Variants in ZNRF1 observed in about 807,000 individuals in gnomAD.
ZNRF1 encodes zinc and ring finger 1, also known as E3 ubiquitin-protein ligase ZNRF1.
Under a neutral mutation model 18.4 loss-of-function variants are expected in ZNRF1, and 3 were observed. The observed-to-expected ratio is 0.16, with a 90% CI of 0.07 to 0.42. ZNRF1 has a LOEUF of 0.42. Ranked by LOEUF, ZNRF1 falls within the 10% of genes least tolerant of loss-of-function variation. ZNRF1 has a pLI of 0.99. For synonymous variants in ZNRF1, 157 were observed against 144.2 expected, an observed-to-expected ratio of 1.09 and a Z score of -0.64; for missense variants, 310 against 329.8, an observed-to-expected ratio of 0.94 and a Z score of 0.47.
intron 1 of ZNRF1, among the ~76,000 whole-genome samples, chr16:75,024,275 AG>A (rs2035192488): frequency 6.6e-6 from 1 of 152,220 alleles, no homozygotes. Flanking sequence ...TAGGGAATTG[AG>A]GCTCGGAGTT....
At chr16:75,081,605 T>C (rs114564446) in intron 1 of ZNRF1, among the ~76,000 whole-genome samples, 145 of 152,292 alleles carry the variant, frequency 9.5e-4, no homozygotes, top group African/African-American at 3.4e-3. Context: ...CAGTGGGTTT[T>C]GGGTCCAAGG....
At chr16:75,001,736 A>T (rs1434672499) in intron 1 of ZNRF1, among the ~76,000 whole-genome samples, 1 of 152,206 alleles carries the variant, frequency 6.6e-6, no homozygotes, top group Non-Finnish European at 1.5e-5. Flanking sequence ...ATATGTAGGG[A>T]GGAAGAAAGG....
chr16:75,016,570 C>G (rs997483853), intron 1 of ZNRF1, among the ~76,000 whole-genome samples: 2 of 151,618 alleles, frequency 1.3e-5, no homozygotes, highest in Admixed American at 6.6e-5. Flanking sequence ...GAGTCTTGCT[C>G]TGTCACCCAG....
chr16:75,028,666 A>T (rs574991483), intron 1 of ZNRF1, among the ~76,000 whole-genome samples: 2 of 152,204 alleles, frequency 1.3e-5, no homozygotes, highest in African/African-American at 4.8e-5. Context: ...TTCTTCTTCC[A>T]TCCTCCTTGA....
intron 1 of ZNRF1, among the ~76,000 whole-genome samples, chr16:75,034,352 C>T (rs72800334): frequency 0.059 from 8,956 of 152,208 alleles, 473 homozygotes; most frequent in Admixed American, 0.12. Flanking sequence ...ATGAGCTTGA[C>T]CACTCTTAAT....
At chr16:75,024,670 A>G (rs925309259) in intron 1 of ZNRF1, among the ~76,000 whole-genome samples, 1 of 152,244 alleles carries the variant, frequency 6.6e-6, no homozygotes, top group African/African-American at 2.4e-5. Flanking sequence ...AAAGAAGGAA[A>G]GCCCTGGAGC....
chr16:75,089,659 T>G (rs1462366093), intron 1 of ZNRF1, among the ~76,000 whole-genome samples: 2 of 152,168 alleles, frequency 1.3e-5, no homozygotes, highest in Admixed American at 1.3e-4. Flanking sequence ...CCTCCTCAGT[T>G]GTGTGACAGT....
intron 1 of ZNRF1, among the ~76,000 whole-genome samples, chr16:75,036,690 C>T (rs1215258725): frequency 1.3e-5 from 2 of 151,438 alleles, no homozygotes; most frequent in Admixed American, 6.6e-5. Context: ...TCTTTCTCAG[C>T]TGTTCAAACT....
intron 1 of ZNRF1, among the ~76,000 whole-genome samples, chr16:75,007,059 CT>C (rs11321828): frequency 0.61 from 84,356 of 138,744 alleles, 25,273 homozygotes; most frequent in Middle Eastern, 0.67. Context: ...CAAGTTTAAT[CT>C]TTTTTTTTTT....
rs375987390 is a variant in ZNRF1 at position 75,027,073 on chromosome 16, G to T, written c.424+26978G>T. 7.8e-4 allele frequency among the ~76,000 whole-genome samples: 119 copies of T among 152,098 alleles called. 3 individuals carry two copies. In the South Asian group the frequency reaches 0.024, roughly 31 times the overall value. ...TCACAGATAAGGAAACCAAGACCCA[G>T]CGGTTAGGGAACTCAGCCAGTGTTA... On this transcript the variant is annotated intron_variant, in intron 1 of 4. Coordinates refer to ENST00000335325, the MANE Select transcript of ZNRF1 (RefSeq NM_032268.5).
intron 1 of ZNRF1, among the ~76,000 whole-genome samples, chr16:75,025,033 G>T (rs907067723): frequency 1.3e-5 from 2 of 151,982 alleles, no homozygotes; most frequent in African/African-American, 4.8e-5. Context: ...GTTGTTCCAT[G>T]TACATGTGTG....
At chr16:75,016,867 T>G (rs572421896) in intron 1 of ZNRF1, among the ~76,000 whole-genome samples, 1 of 152,128 alleles carries the variant, frequency 6.6e-6, no homozygotes, top group Non-Finnish European at 1.5e-5. Flanking sequence ...TACTATCGTT[T>G]TGTAATAGGT....
intron 4 of ZNRF1, 106 bp downstream of exon 4, chr16:75,106,677 G>A: frequency 1.2e-6 from 1 of 825,350 alleles, no homozygotes; most frequent in Non-Finnish European, 2.0e-6. Flanking sequence ...TGAGAAGAAA[G>A]CAGGAGCAGA....
intron 1 of ZNRF1, among the ~76,000 whole-genome samples, chr16:75,065,738 T>TA (rs1174873580): frequency 6.6e-6 from 1 of 152,232 alleles, no homozygotes; most frequent in Non-Finnish European, 1.5e-5. Flanking sequence ...TCTTCGTGTC[T>TA]ATAACTTGCT....
intron 1 of ZNRF1, among the ~76,000 whole-genome samples, chr16:75,057,201 T>A (rs1458426524): frequency 6.6e-6 from 1 of 152,206 alleles, no homozygotes; most frequent in African/African-American, 2.4e-5. Flanking sequence ...ATGTCCCTGC[T>A]CCTTTGACTC....
intron 1 of ZNRF1, among the ~76,000 whole-genome samples, chr16:75,081,044 G>A (rs2036005675): frequency 6.6e-6 from 1 of 152,056 alleles, no homozygotes; most frequent in African/African-American, 2.4e-5. Flanking sequence ...GTGGTGGTGC[G>A]CGCCTGTAGT....
At chr16:75,059,218 C>T (rs1212604319) in intron 1 of ZNRF1, among the ~76,000 whole-genome samples, 1 of 142,242 alleles carries the variant, frequency 7.0e-6, no homozygotes, top group Non-Finnish European at 1.5e-5. Flanking sequence ...TCCTTCTTTC[C>T]TTCTTTCTTT....
chr16:75,010,399 T>C (rs1389873686), intron 1 of ZNRF1, among the ~76,000 whole-genome samples: 1 of 152,230 alleles, frequency 6.6e-6, no homozygotes, highest in Non-Finnish European at 1.5e-5. Context: ...GAATAAGTAA[T>C]AAATCTGTGT....
intron 1 of ZNRF1, among the ~76,000 whole-genome samples, chr16:75,071,128 C>T (rs1288461055): frequency 2.7e-5 from 4 of 145,544 alleles, no homozygotes; most frequent in Non-Finnish European, 6.0e-5. Context: ...GAGACTGAGT[C>T]TTGCTCTGTC....
Sources: allele counts gnomAD v4.1 joint callset (sites outside exome capture counted in the v4.1 genomes callset), GRCh38; gene constraint gnomAD v4.1.1; transcripts MANE v1.5; gene names NCBI Gene and HGNC (gene_info 2026-07-23, HGNC 2026-07-21).